Variants in MOV10L1 observed in about 807,000 individuals in gnomAD.
The protein encoded by MOV10L1 is RNA helicase Mov10l1.
In MOV10L1, 110 loss-of-function variants were observed where a neutral mutation model predicts 143.8. The ratio of observed to expected loss-of-function variants is 0.76; its 90% CI spans 0.66 to 0.90. MOV10L1 has a LOEUF of 0.90. Ranked by LOEUF, MOV10L1 falls within the 40% of genes least tolerant of loss-of-function variation. The probability of loss-of-function intolerance (pLI) is 0.00; values close to 1 mark genes in which losing one functional copy is unlikely to be tolerated. For synonymous variants in MOV10L1, 593 were observed against 581.1 expected (o/e 1.02, Z -0.29); for missense variants, 1,406 against 1,526.8 (o/e 0.92, Z 1.32).
intron 12 of MOV10L1, 85 bp downstream of exon 12, chr22:50,126,357 G>A (rs1293186111): frequency 4.0e-6 from 4 of 991,622 alleles, no homozygotes; most frequent in Non-Finnish European, 4.6e-6. Context: ...ACGGCTCTTG[G>A]GGAGATGCTC....
At chr22:50,113,553 G>A in intron 5 of MOV10L1, 95 bp from the exon 6 acceptor site, 1 of 1,496,050 alleles carries the variant, frequency 6.7e-7, no homozygotes, top group Non-Finnish European at 9.0e-7. Flanking sequence ...GGTCCTCTGA[G>A]TGCCCCCACC....
At chr22:50,112,739 C>T (rs1038299276) in intron 5 of MOV10L1, among the ~76,000 whole-genome samples, 1 of 152,240 alleles carries the variant, frequency 6.6e-6, no homozygotes. Flanking sequence ...GCTCTCCACT[C>T]AGCCCCACAG....
At position 50,152,939 on chromosome 22, in the gene MOV10L1, G is replaced by A; in HGVS notation, c.2893-106G>A. On this transcript the variant is annotated intron_variant, in intron 21 of 26. Transcript: ENST00000262794. The surrounding 1 kb of genome is among the most constrained non-coding windows in gnomAD (Gnocchi z 4.4). ...GGGGCGCAGGAGCAGAGTCAGGCTT[G>A]GAAGTCAGGCAGGCCTCACGTTTGC... 1 of 1,186,770 alleles carries A rather than the reference G, an allele frequency of 8.4e-7. No individual in the cohort carries two copies. The highest frequency in any genetic ancestry group is 1.2e-6 in the Non-Finnish European group (1 of 838,076). The allele number at this position is 1,186,770 out of a possible 1,614,324, so 73.5% of individuals were successfully genotyped here.
At chr22:50,090,537 C>CA (rs747698593) in intron 1 of MOV10L1, 144 of 1,602,232 alleles carry the variant, frequency 9.0e-5, no homozygotes, top group Non-Finnish European at 1.2e-4. Flanking sequence ...CCCCGAAAAA[C>CA]GCGGCCCCGC....
intron 19 of MOV10L1, 199 bp from the exon 20 acceptor site, chr22:50,149,416 T>TG: frequency 1.7e-6 from 1 of 586,972 alleles, no homozygotes; most frequent in Non-Finnish European, 3.0e-6. Flanking sequence ...CACTGGGTGC[T>TG]GATGTGGCTT....
Position 50,108,086 on chromosome 22 carries a change from A to G in MOV10L1, c.443-50A>G, listed in dbSNP as rs370709214. ...GATTTCAGTGCACCATGACCTCAGA[A>G]TAACTTGTGCACTTTAACACTACCA... On this transcript the variant is annotated intron_variant, in intron 3 of 26. Coordinates refer to ENST00000262794, the MANE Select transcript of MOV10L1 (RefSeq NM_018995.3). The G allele has an allele frequency of 1.5e-4, 233 of 1,532,752 alleles. No individual in the cohort carries two copies. The African/African-American group carries it at 2.9e-3, about 19-fold the overall frequency. The allele number at this position is 1,532,752 out of a possible 1,614,324, so 94.9% of individuals were successfully genotyped here. A position where few individuals can be genotyped will look rare whatever the true frequency, so the allele number is the denominator to read the frequency against.
At chr22:50,108,570 C>A in intron 4 of MOV10L1, 87 bp from the exon 5 acceptor site, 4 of 1,454,886 alleles carry the variant, frequency 2.7e-6, no homozygotes, top group South Asian at 1.2e-5. Context: ...AGCTTGTGTG[C>A]TTTGGGCTGA....
At chr22:50,111,317 T>C (rs868347516) in intron 5 of MOV10L1, among the ~76,000 whole-genome samples, 14 of 150,132 alleles carry the variant, frequency 9.3e-5, no homozygotes, top group East Asian at 2.0e-4. Context: ...GGAGGGAGAG[T>C]TGGTTGTGTA....
intron 25 of MOV10L1, 65 bp from the exon 26 acceptor site, chr22:50,160,899 C>T (rs2272842): frequency 0.011 from 17,843 of 1,612,680 alleles, 295 homozygotes; most frequent in East Asian, 0.057. Flanking sequence ...GTGAGACGTA[C>T]GAGGCACCAG....
At chr22:50,092,528 C>T (rs1031942511) in intron 2 of MOV10L1, among the ~76,000 whole-genome samples, 1 of 151,970 alleles carries the variant, frequency 6.6e-6, no homozygotes, top group African/African-American at 2.4e-5. Flanking sequence ...GTCCCAGCTA[C>T]ATGGGAGGCT....
At chr22:50,096,794 T>C (rs78500700) in intron 2 of MOV10L1, among the ~76,000 whole-genome samples, 1 of 152,214 alleles carries the variant, frequency 6.6e-6, no homozygotes, top group Non-Finnish European at 1.5e-5. Context: ...TGGAGAAATA[T>C]CTACTCAAAT....
At chr22:50,092,335 T>C in intron 2 of MOV10L1, 150 bp downstream of exon 2, 7 of 739,450 alleles carry the variant, frequency 9.5e-6, no homozygotes, top group Non-Finnish European at 1.5e-5. Flanking sequence ...TTATGATTTA[T>C]GTTTTAAAAA....
chr22:50,155,444 G>A (rs953821767), intron 22 of MOV10L1, among the ~76,000 whole-genome samples: 2 of 151,358 alleles, frequency 1.3e-5, no homozygotes, highest in African/African-American at 4.9e-5. Context: ...TATTTTTACT[G>A]CTTTATCTGG....
chr22:50,160,547 C>T (rs1023992378), intron 24 of MOV10L1, 141 bp from the exon 25 acceptor site: 32 of 1,100,092 alleles, frequency 2.9e-5, no homozygotes, highest in South Asian at 1.2e-4. Context: ...CCACCGCGCC[C>T]GGCCTCCTGT....
intron 17 of MOV10L1, 22 bp from the exon 18 acceptor site, chr22:50,144,075 C>T (rs763009229): frequency 6.3e-7 from 1 of 1,596,448 alleles, no homozygotes; most frequent in Non-Finnish European, 8.6e-7. Context: ...GAGCCTTGGT[C>T]TCTTGTGTGT....
intron 7 of MOV10L1, among the ~76,000 whole-genome samples, chr22:50,114,889 G>A (rs537304839): frequency 7.9e-5 from 12 of 152,312 alleles, no homozygotes; most frequent in East Asian, 1.9e-4. Flanking sequence ...TGGGCGCGCC[G>A]GGGCAGGCCT....
chr22:50,149,259 G>A, intron 19 of MOV10L1: 1 of 242,994 alleles, frequency 4.1e-6, no homozygotes, highest in East Asian at 1.0e-4. Context: ...TTTTGATAAT[G>A]ACAGGAGTGA....
chr22:50,099,790 G>A (rs988351166), intron 3 of MOV10L1, among the ~76,000 whole-genome samples, 188 bp downstream of exon 3: 1 of 152,150 alleles, frequency 6.6e-6, no homozygotes, highest in Non-Finnish European at 1.5e-5. Flanking sequence ...TCCAGCCTGG[G>A]TGACAGAACA....
chr22:50,118,853 G>A (rs376980419), intron 9 of MOV10L1, among the ~76,000 whole-genome samples: 7 of 152,296 alleles, frequency 4.6e-5, no homozygotes, highest in African/African-American at 1.7e-4. Context: ...TAAGCAGGGG[G>A]AGACTCAGCG....
Sources: allele counts gnomAD v4.1 joint callset (sites outside exome capture counted in the v4.1 genomes callset), GRCh38; gene constraint gnomAD v4.1.1; non-coding constraint Gnocchi (gnomAD v3.1); transcripts MANE v1.5; gene names NCBI Gene and HGNC (gene_info 2026-07-23, HGNC 2026-07-21).